The following CBLIF variants were observed in gnomAD, a reference collection of about 807,000 sequenced individuals.
CBLIF encodes gastric intrinsic factor (vitamin B synthesis).
A neutral mutation model predicts 44.9 loss-of-function variants in CBLIF; 24 were observed. The ratio of observed to expected loss-of-function variants is 0.53; its 90% confidence interval spans 0.39 to 0.75. CBLIF has a LOEUF of 0.75. Ranked by LOEUF, CBLIF falls within the 30% of genes least tolerant of loss-of-function variation. The probability of loss-of-function intolerance (pLI) is 0.00; values close to 1 mark genes in which losing one functional copy is unlikely to be tolerated. For synonymous variants in CBLIF, 183 were observed against 190.9 expected (o/e 0.96, Z 0.34); for missense variants, 481 against 513.0 (o/e 0.94, Z 0.60).
At chr11:59,830,329 T>C (rs375005556) in intron 8 of CBLIF, among the ~76,000 whole-genome samples, 9 of 149,950 alleles carry the variant, frequency 6.0e-5, no homozygotes, top group Non-Finnish European at 1.0e-4. Flanking sequence ...CTTCGCCTCC[T>C]GGGTTCATGC....
At position 59,843,861 on chromosome 11, in the gene CBLIF, G is replaced by A. The variant is rs200909022; in HGVS notation, c.256+18C>T. On this transcript the variant is annotated intron_variant, in intron 2 of 8. Coordinates refer to ENST00000257248, the MANE Select transcript of CBLIF (RefSeq NM_005142.3). ...TGTGTGAGATTCAGGGAGAGTGCGA[G>A]CGGCTCAGATGTCTCACCGTTGTTG... is the stretch of plus-strand genomic sequence containing the variant. 3.5e-5 allele frequency: 56 copies of A among 1,597,106 alleles called. No homozygotes were observed. In the East Asian group the frequency reaches 5.4e-4, roughly 15 times the overall value.
At chr11:59,835,461 G>T (rs1182831900) in intron 7 of CBLIF, among the ~76,000 whole-genome samples, 1 of 152,064 alleles carries the variant, frequency 6.6e-6, no homozygotes, top group Non-Finnish European at 1.5e-5. Context: ...CACTACGCCC[G>T]GCCTGTTCTG....
At chr11:59,834,236 TTCTTTTTCTTTCTTTCTTTC>T (rs1565207313) in intron 7 of CBLIF, among the ~76,000 whole-genome samples, 9 of 148,934 alleles carry the variant, frequency 6.0e-5, no homozygotes, top group African/African-American at 1.8e-4. Context: ...CTTTCTTTCT[TTCTTTTTCTTTCTTTCTTTC>T]TTTCTTTCTT....
chr11:59,835,171 G>A (rs1228726322), intron 7 of CBLIF, among the ~76,000 whole-genome samples: 4 of 142,932 alleles, frequency 2.8e-5, no homozygotes, highest in Non-Finnish European at 4.5e-5. Flanking sequence ...TTGAGATGAA[G>A]TTTTGCTCTT....
intron 8 of CBLIF, among the ~76,000 whole-genome samples, chr11:59,830,779 G>A (rs1866363521): frequency 6.6e-6 from 1 of 152,098 alleles, no homozygotes; most frequent in South Asian, 2.1e-4. Context: ...TAAAGCTGTG[G>A]AAACTGGCTC....
intron 1 of CBLIF, among the ~76,000 whole-genome samples, chr11:59,845,064 T>C (rs917884203): frequency 1.3e-5 from 2 of 152,110 alleles, no homozygotes; most frequent in African/African-American, 4.8e-5. Context: ...AGTCTCACCA[T>C]GTTGCCCAGG....
chr11:59,841,554 G>A (rs897285615), intron 4 of CBLIF, among the ~76,000 whole-genome samples: 4 of 152,174 alleles, frequency 2.6e-5, no homozygotes, highest in South Asian at 2.1e-4. Flanking sequence ...GCATAACTTC[G>A]TTAAGGGTGC....
At chr11:59,835,302 C>T (rs1250121250) in intron 7 of CBLIF, among the ~76,000 whole-genome samples, 6 of 152,024 alleles carry the variant, frequency 3.9e-5, no homozygotes, top group Admixed American at 1.3e-4. Flanking sequence ...CGTGCCACCA[C>T]GCCTGGCTAA....
At chr11:59,845,182 A>T (rs1866588832) in intron 1 of CBLIF, 193 bp downstream of exon 1, 2 of 720,916 alleles carry the variant, frequency 2.8e-6, no homozygotes, top group African/African-American at 1.8e-5. Context: ...TTAATAAAAA[A>T]CATATAGACT....
In CBLIF at chr11:59,842,886, A is replaced by C. The variant is rs1039841563; in HGVS notation, c.370+142T>G. On this transcript the variant is annotated intron_variant, in intron 3 of 8. Transcript: ENST00000257248. ...GAAATGAATCTTTCTGGTCTGGATT[A>C]TCAGAAGGACCAGAGTGAAGGATAC... 3.4e-4 allele frequency: 240 copies of C among 701,504 alleles called. 3 individuals are homozygous for C. The Middle Eastern group carries it at 4.3e-3, about 13-fold the overall frequency. The allele number at this position is 701,504 out of a possible 1,614,324, so 43.5% of individuals were successfully genotyped here. A position where few individuals can be genotyped will look rare whatever the true frequency, so the allele number is the denominator to read the frequency against.
intron 5 of CBLIF, among the ~76,000 whole-genome samples, chr11:59,840,032 A>G (rs1202029252): frequency 6.6e-6 from 1 of 152,178 alleles, no homozygotes; most frequent in African/African-American, 2.4e-5. Flanking sequence ...TTCTATGACA[A>G]AGTCTCCTTG....
intron 7 of CBLIF, among the ~76,000 whole-genome samples, chr11:59,832,320 A>G (rs767893133): frequency 1.1e-4 from 17 of 152,298 alleles, no homozygotes; most frequent in Non-Finnish European, 1.9e-4. Context: ...ACAGGGGCCT[A>G]TCAGAGGGTA....
chr11:59,837,328 T>C lies in CBLIF; in HGVS notation c.717A>G (p.Pro239=). ...AMQALSVTPE[P]SKKEWNCKKT... is the part of the protein sequence containing the mutation. The stretch of plus-strand genomic sequence containing the variant: ...TCTTGCAGTTCCATTCCTTTTTAGA[T>C]GGCTCAGGTGTTACAGAGAGAGCCT... Residue 239 remains proline (P), a synonymous_variant, in exon 6 of 9, where the codon CCA becomes CCG. Transcript: ENST00000257248. The C allele has an allele frequency of 2.1e-5, 34 of 1,613,252 alleles. No homozygotes were observed. Among genetic ancestry groups the C allele is most frequent in the Non-Finnish European group, 2.9e-5 (34 of 1,179,224 alleles).
intron 8 of CBLIF, 157 bp downstream of exon 8, chr11:59,831,521 C>A: frequency 2.0e-6 from 1 of 491,032 alleles, no homozygotes; most frequent in Non-Finnish European, 3.7e-6. Flanking sequence ...TGTGTGTATA[C>A]ATATATAAGC....
In CBLIF at chr11:59,829,349, A is replaced by G. The variant is rs1866337048; in HGVS notation, c.*135T>C. 1 of 692,684 alleles carries G rather than the reference A, an allele frequency of 1.4e-6. No homozygotes were observed. Among genetic ancestry groups the G allele is most frequent in the Admixed American group, 2.0e-5 (1 of 49,010 alleles). The allele number at this position is 692,684 out of a possible 1,614,324, so 42.9% of individuals were successfully genotyped here. On this transcript the variant is annotated 3_prime_UTR_variant, in exon 9 of 9. Transcript: ENST00000257248. ...TGAACTTTGCATTTTTATTCTACAT[A>G]GTGGTTCTCCATGTTTTTACCAGGA...
At chr11:59,842,316 C>T in intron 4 of CBLIF, 127 bp downstream of exon 4, 5 of 1,019,074 alleles carry the variant, frequency 4.9e-6, no homozygotes, top group Non-Finnish European at 7.8e-6. Flanking sequence ...CTCCCATCCA[C>T]AGGCACGTTC....
chr11:59,836,421 A>G (rs558660), intron 6 of CBLIF, among the ~76,000 whole-genome samples: 131,823 of 152,196 alleles, frequency 0.87, 57,475 homozygotes, highest in African/African-American at 0.96. Context: ...CATACCAAAC[A>G]CTAGTAATCT....
chr11:59,841,363 A>G (rs780662774), intron 4 of CBLIF, 39 bp from the exon 5 acceptor site: 15 of 1,370,542 alleles, frequency 1.1e-5, no homozygotes, highest in African/African-American at 8.5e-5. Context: ...CATAGTCACC[A>G]TCACAGCAAT....
At chr11:59,840,919 G>A in intron 5 of CBLIF, 1 of 514,158 alleles carries the variant, frequency 1.9e-6, no homozygotes, top group Non-Finnish European at 3.5e-6. Context: ...AGAGAAACAA[G>A]TTCATATAGA....
Sources: allele counts gnomAD v4.1 joint callset (sites outside exome capture counted in the v4.1 genomes callset), GRCh38; gene constraint gnomAD v4.1.1; transcripts MANE v1.5; gene names NCBI Gene and HGNC (gene_info 2026-07-23, HGNC 2026-07-21).